Variants in CSMD3 observed in about 807,000 individuals in gnomAD.
CSMD3 encodes the protein CUB and sushi domain-containing protein 3.
Under a neutral mutation model 435.2 loss-of-function variants are expected in CSMD3, and 177 were observed. The observed-to-expected ratio is 0.41, with a 90% confidence interval of 0.36 to 0.46. The LOEUF is 0.46. Ranked by LOEUF, CSMD3 falls within the 20% of genes least tolerant of loss-of-function variation. The pLI is 0.34. For missense variants in CSMD3, 4,265 were observed against 4,504.6 expected (o/e 0.95, Z 1.52); for synonymous variants, 1,656 against 1,520.5 (o/e 1.09, Z -2.07).
chr8:112,776,106 T>C (rs1182281452), intron 13 of CSMD3, among the ~76,000 whole-genome samples: 2 of 151,818 alleles, frequency 1.3e-5, no homozygotes, highest in Non-Finnish European at 3.0e-5. Flanking sequence ...GCTTATCTTT[T>C]AGAAAATGAT....
chr8:112,324,580 T>G (rs1823316642), intron 45 of CSMD3, among the ~76,000 whole-genome samples: 1 of 149,344 alleles, frequency 6.7e-6, no homozygotes, highest in African/African-American at 2.5e-5. Flanking sequence ...GGTGTGTGTG[T>G]GGGTGTGTGT....
chr8:112,952,983 C>G (rs2083880375), intron 8 of CSMD3, among the ~76,000 whole-genome samples: 2 of 151,140 alleles, frequency 1.3e-5, no homozygotes, highest in Admixed American at 1.3e-4. Flanking sequence ...AATATACCAA[C>G]AGGGATATAG....
At position 112,407,789 on chromosome 8, in the gene CSMD3, G is replaced by A. The variant is rs147085485; in HGVS notation, c.5605+529C>T. On this transcript the variant is annotated intron_variant, in intron 34 of 70. Coordinates refer to ENST00000297405, the MANE Select transcript of CSMD3 (RefSeq NM_198123.2). ...GCTCTTAACTTGGTTTAATGATAAC[G>A]TAGAAGGTTGTCTACCACAGGCAAG... 8.3e-4 allele frequency among the ~76,000 whole-genome samples: 126 copies of A among 152,084 alleles called. No homozygotes were observed. The East Asian group carries it at 0.022, about 26-fold the overall frequency.
rs73335551 is a variant in CSMD3 at position 113,253,952 on chromosome 8, A to G, written c.514+24640T>C. On this transcript the variant is annotated intron_variant, in intron 3 of 70. Transcript: ENST00000297405. ...TAGTTACAAGATTTTTCTTCCAGAT[A>G]TAACATTCCACTTCAATTTTTCCCT... Among the ~76,000 whole-genome samples, 538 of 152,274 alleles carry G rather than the reference A, an allele frequency of 3.5e-3. 2 individuals are homozygous for G. Among genetic ancestry groups the G allele is most frequent in the African/African-American group, 0.012 (501 of 41,566 alleles).
intron 32 of CSMD3, among the ~76,000 whole-genome samples, chr8:112,453,040 T>C (rs891435375): frequency 6.6e-6 from 1 of 152,186 alleles, no homozygotes; most frequent in African/African-American, 2.4e-5. Flanking sequence ...ATCAGATTCC[T>C]GACTCTTGGT....
chr8:112,687,455 T>C (rs1716991260), intron 14 of CSMD3, among the ~76,000 whole-genome samples: 1 of 152,176 alleles, frequency 6.6e-6, no homozygotes, highest in Non-Finnish European at 1.5e-5. Flanking sequence ...TTATTTGTTT[T>C]AATTTGAATA....
chr8:112,355,716 C>T (rs11775082), intron 38 of CSMD3, among the ~76,000 whole-genome samples: 31,076 of 151,866 alleles, frequency 0.2, 3,739 homozygotes, highest in East Asian at 0.4. Context: ...GCCTGTAGTC[C>T]CAGCTACTCG....
chr8:112,541,576 C>T (rs1011420058), intron 27 of CSMD3, among the ~76,000 whole-genome samples: 1 of 151,656 alleles, frequency 6.6e-6, no homozygotes, highest in Non-Finnish European at 1.5e-5. Context: ...CCTGAACAGA[C>T]TCATTATTAA....
intron 3 of CSMD3, among the ~76,000 whole-genome samples, chr8:113,185,066 G>A (rs72687611): frequency 0.066 from 10,093 of 151,958 alleles, 455 homozygotes; most frequent in Non-Finnish European, 0.095. Flanking sequence ...ACTTACTTAG[G>A]GTATGGTTAC....
At chr8:112,840,968 T>A (rs2080162789) in intron 11 of CSMD3, among the ~76,000 whole-genome samples, 1 of 151,654 alleles carries the variant, frequency 6.6e-6, no homozygotes, top group South Asian at 2.1e-4. Flanking sequence ...AAGAATATAG[T>A]AAATTTAAAA....
In CSMD3 at chr8:112,821,410, AT is replaced by A. The variant is rs377627827; in HGVS notation, c.1859+8275del. ...ATCTCTATAATGATCAATGATGTTG[AT>A]TTTTTTTTTCATGTTTGTTGGCTGC... On this transcript the variant is annotated intron_variant, in intron 12 of 70. Transcript: ENST00000297405. Among the ~76,000 whole-genome samples the A allele has an allele frequency of 3.5e-3, 515 of 147,140 alleles. 1 individual carries two copies. Among genetic ancestry groups the A allele is most frequent in the Middle Eastern group, 7.1e-3 (2 of 282 alleles).
chr8:112,596,356 A>G (rs950256040), intron 22 of CSMD3, among the ~76,000 whole-genome samples: 1 of 152,156 alleles, frequency 6.6e-6, no homozygotes, highest in Non-Finnish European at 1.5e-5. Flanking sequence ...GAGCACCCAG[A>G]TTCATAAAGC....
intron 13 of CSMD3, among the ~76,000 whole-genome samples, chr8:112,745,747 C>T (rs2077411634): frequency 6.6e-6 from 1 of 150,786 alleles, no homozygotes; most frequent in Non-Finnish European, 1.5e-5. Context: ...AGTTTAGAGT[C>T]CTTAGGAAAT....
chr8:112,666,281 C>T lies in CSMD3; in HGVS notation c.2812G>A (p.Glu938Lys), dbSNP rs2131706881. ...EPGHSIKITF[E>K]RFQTELNYDV... ...TAGGAAAAATATTTGTGAGACCTTTCAAATGTAATTTTGATAGAGTGTCCA... is the reference window on the plus strand; with the variant it reads ...TAGGAAAAATATTTGTGAGACCTTTTAAATGTAATTTTGATAGAGTGTCCA... Residue 938 changes from glutamate to lysine, a missense_variant, in exon 17 of 71, where the codon GAA becomes AAA. This residue lies in a region of CSMD3 where 3,255 missense variants were observed against 3,380.2 expected (regional missense o/e 0.96). Transcript: ENST00000297405. 6.2e-7 allele frequency: 1 copy of T among 1,609,764 alleles called. No individual in the cohort carries two copies. Among genetic ancestry groups the T allele is most frequent in the South Asian group, 1.1e-5 (1 of 90,824 alleles).
At chr8:112,376,515 G>A (rs1828954852) in intron 38 of CSMD3, among the ~76,000 whole-genome samples, 1 of 152,054 alleles carries the variant, frequency 6.6e-6, no homozygotes, top group South Asian at 2.1e-4. Context: ...CCCACTGAGA[G>A]TTTCACGTCA....
chr8:112,583,576 CA>C (rs1022130414), intron 23 of CSMD3, among the ~76,000 whole-genome samples: 1 of 151,678 alleles, frequency 6.6e-6, no homozygotes, highest in Non-Finnish European at 1.5e-5. Context: ...TAAAATTTTC[CA>C]AAAATAAGTA....
At chr8:113,252,797 T>C (rs1225188341) in intron 3 of CSMD3, among the ~76,000 whole-genome samples, 1 of 152,148 alleles carries the variant, frequency 6.6e-6, no homozygotes, top group Non-Finnish European at 1.5e-5. Context: ...TCATAAGTAG[T>C]GGGTGGACCA....
At position 112,739,423 on chromosome 8, in the gene CSMD3, T is replaced by C. The variant is rs374739624; in HGVS notation, c.1973-49373A>G. 1.4e-4 allele frequency among the ~76,000 whole-genome samples: 21 copies of C among 151,938 alleles called. 1 individual carries two copies. The South Asian group carries it at 4.3e-3, about 31-fold the overall frequency. On this transcript the variant is annotated intron_variant, in intron 13 of 70. Coordinates refer to ENST00000297405, the MANE Select transcript of CSMD3 (RefSeq NM_198123.2). ...CATAAACCTAGAGCACCCTGCACTC[T>C]TCAGTTTGCCATTATTTCCACAAAT...
chr8:113,100,612 T>A (rs2090301073), intron 4 of CSMD3, among the ~76,000 whole-genome samples: 1 of 151,958 alleles, frequency 6.6e-6, no homozygotes, highest in South Asian at 2.1e-4. Flanking sequence ...AAGAAAAAAA[T>A]CCCACAGTTT....
Sources: allele counts gnomAD v4.1 joint callset (sites outside exome capture counted in the v4.1 genomes callset), GRCh38; gene constraint gnomAD v4.1.1; regional missense constraint gnomAD v4.1.1; transcripts MANE v1.5; gene names NCBI Gene and HGNC (gene_info 2026-07-23, HGNC 2026-07-21).